The following ATXN2 variants were observed in gnomAD, a reference collection of about 807,000 sequenced individuals.
The protein encoded by ATXN2 is ataxin-2.
A neutral mutation model predicts 138.6 loss-of-function variants in ATXN2; 37 were observed. The observed-to-expected ratio is 0.27, with a 90% CI of 0.21 to 0.35. The LOEUF (loss-of-function observed/expected upper bound fraction) is 0.35. ATXN2 is among the 10% of genes least tolerant of loss of function. The probability of loss-of-function intolerance (pLI) is 1.00; values close to 1 mark genes in which losing one functional copy is unlikely to be tolerated. For missense variants in ATXN2, 1,216 were observed against 1,480.3 expected (o/e 0.82, Z 2.93); for synonymous variants, 549 against 543.7 (o/e 1.01, Z -0.13).
At position 111,453,733 on chromosome 12, in the gene ATXN2, A is replaced by G; in HGVS notation, c.3383T>C (p.Leu1128Pro). The change falls in exon 24 of 25, where the codon CTA (leucine) becomes CCA (proline). Residue 1128 changes from leucine to proline, a missense_variant. Physicochemically the swap from Leu to Pro is moderately conservative, Grantham distance 98. This residue lies in a region of ATXN2 where 490 missense variants were observed against 653.5 expected (regional missense o/e 0.75). Coordinates refer to ENST00000673436, the MANE Select transcript of ATXN2 (RefSeq NM_001372574.1). The surrounding 1 kb of genome is among the most constrained non-coding windows in gnomAD (Gnocchi z 5.4). Reference sequence around the variant, plus strand: ...TGTTGTCGAGACTGGAATGGGCTGTAGTGCACTTTGAGCGAGGGCGGCCTG... The same window carrying G: ...TGTTGTCGAGACTGGAATGGGCTGTGGTGCACTTTGAGCGAGGGCGGCCTG... ...GPQAALAQSA[L>P]QPIPVSTTAH... is the part of the protein sequence containing the mutation. 1 of 1,613,878 alleles carries G rather than the reference A, an allele frequency of 6.2e-7. No homozygotes were observed. Among genetic ancestry groups the G allele is most frequent in the Non-Finnish European group, 8.5e-7 (1 of 1,179,878 alleles).
chr12:111,566,471 T>A (rs939638562), intron 1 of ATXN2, among the ~76,000 whole-genome samples: 6 of 150,862 alleles, frequency 4.0e-5, no homozygotes, highest in Admixed American at 6.6e-5. Flanking sequence ...AGAAATACAT[T>A]CTGTAAGGCT....
chr12:111,497,332 A>G (rs1018271612), intron 14 of ATXN2, among the ~76,000 whole-genome samples: 4 of 152,178 alleles, frequency 2.6e-5, no homozygotes, highest in Non-Finnish European at 5.9e-5. Flanking sequence ...TACTCAAACT[A>G]TTCCAACACA....
At chr12:111,493,342 C>T (rs1878167620) in intron 14 of ATXN2, among the ~76,000 whole-genome samples, 1 of 145,592 alleles carries the variant, frequency 6.9e-6, no homozygotes, top group African/African-American at 2.6e-5. Flanking sequence ...ATCGCTTGAA[C>T]CTGGGAGTTG....
At chr12:111,491,661 T>C (rs760260086) in intron 14 of ATXN2, among the ~76,000 whole-genome samples, 17 of 152,124 alleles carry the variant, frequency 1.1e-4, no homozygotes, top group African/African-American at 1.7e-4. Flanking sequence ...AGGGAACCCA[T>C]TGCCTTGAAG....
In ATXN2 at chr12:111,500,011, TGGA is replaced by T. The variant is rs764524722; in HGVS notation, c.1935+9535_1935+9537del. On this transcript the variant is annotated intron_variant, in intron 14 of 24. Transcript: ENST00000673436. ...AAGGGGAACCTTCACACACTGTTGG[TGGA>T]CATGTAAATTGGTAAAACCACTATG... Among the ~76,000 whole-genome samples the T allele has an allele frequency of 1.7e-3, 256 of 152,314 alleles. 1 individual carries two copies. The highest frequency in any genetic ancestry group is 1.4e-3 in the Non-Finnish European group (94 of 68,024).
At chr12:111,562,720 C>CAAAAAAAAAA (rs34625134) in intron 1 of ATXN2, among the ~76,000 whole-genome samples, 1 of 55,980 alleles carries the variant, frequency 1.8e-5, no homozygotes, top group East Asian at 5.0e-4. Flanking sequence ...AACTCCATCT[C>CAAAAAAAAAA]AAAAAAAAAA....
At chr12:111,515,772 G>T (rs1245337213) in intron 10 of ATXN2, among the ~76,000 whole-genome samples, 1 of 152,180 alleles carries the variant, frequency 6.6e-6, no homozygotes, top group Non-Finnish European at 1.5e-5. Context: ...AGGTTCACTA[G>T]GACCTTGGCC....
At position 111,552,887 on chromosome 12, in the gene ATXN2, G is replaced by C. The variant is rs750847349; in HGVS notation, c.420+19C>G. The C allele has an allele frequency of 1.3e-6, 2 of 1,494,032 alleles. No individual in the cohort carries two copies. The highest frequency in any genetic ancestry group is 1.8e-6 in the Non-Finnish European group (2 of 1,109,268). 92.5% of individuals were successfully genotyped at this position (1,494,032 alleles called of 1,614,324 possible). ...ATGTTCTTTTACTTTGTAAGAAAAA[G>C]AAAAAAAGTAAAAATTACCTTCGGA... On this transcript the variant is annotated intron_variant, in intron 4 of 24. Coordinates refer to ENST00000673436, the MANE Select transcript of ATXN2 (RefSeq NM_001372574.1). The surrounding 1 kb of genome is among the most constrained non-coding windows in gnomAD (Gnocchi z 4.1).
chr12:111,472,688 C>T (rs1327042279), intron 18 of ATXN2, among the ~76,000 whole-genome samples: 1 of 152,166 alleles, frequency 6.6e-6, no homozygotes, highest in African/African-American at 2.4e-5. Context: ...CCTACCTCAG[C>T]CTCCAGAGTA....
chr12:111,483,871 C>A (rs115056781), intron 18 of ATXN2, among the ~76,000 whole-genome samples: 2,124 of 152,184 alleles, frequency 0.014, 21 homozygotes, highest in South Asian at 0.022. Context: ...CAGCCTGGAC[C>A]TTCTGGTTTC....
At chr12:111,490,395 G>A (rs1386248893) in intron 14 of ATXN2, among the ~76,000 whole-genome samples, 1 of 152,056 alleles carries the variant, frequency 6.6e-6, no homozygotes, top group Non-Finnish European at 1.5e-5. Flanking sequence ...ATTAGGATGT[G>A]GAGGGACCGT....
At chr12:111,580,102 T>C (rs532860407) in intron 1 of ATXN2, among the ~76,000 whole-genome samples, 1 of 152,202 alleles carries the variant, frequency 6.6e-6, no homozygotes, top group South Asian at 2.1e-4. Context: ...GTGCACGCCA[T>C]CACACCTAGC....
intron 1 of ATXN2, among the ~76,000 whole-genome samples, chr12:111,566,158 C>T (rs1045331081): frequency 3.9e-5 from 6 of 152,104 alleles, no homozygotes; most frequent in African/African-American, 1.4e-4. Flanking sequence ...TACGGCCGGG[C>T]GCGGTGGCTC....
chr12:111,485,343 TAA>T lies in ATXN2; in HGVS notation c.2458-14_2458-13del. The T allele has an allele frequency of 6.5e-7, 1 of 1,547,880 alleles. No individual in the cohort carries two copies. The highest frequency in any genetic ancestry group is 1.2e-5 in the South Asian group (1 of 85,562). ...ATTGGGTATAAAGGCTTGAGAGAAT[TAA>T]AAAAAAAATTAACATTAGGCACCTA... is the stretch of plus-strand genomic sequence containing the variant. On this transcript the variant is annotated splice_polypyrimidine_tract_variant and intron_variant, in intron 17 of 24. Transcript: ENST00000673436.
intron 22 of ATXN2, 114 bp from the exon 23 acceptor site, chr12:111,456,370 A>AT (rs1875098433): frequency 9.1e-7 from 1 of 1,096,332 alleles, no homozygotes; most frequent in African/African-American, 1.5e-5. Flanking sequence ...GTCACTGGAA[A>AT]GTACAGGAGA....
At chr12:111,498,102 T>C (rs1878542287) in intron 14 of ATXN2, among the ~76,000 whole-genome samples, 1 of 152,022 alleles carries the variant, frequency 6.6e-6, no homozygotes, top group South Asian at 2.1e-4. Context: ...GACAGACCCA[T>C]AACTAGTACC....
At chr12:111,474,810 G>A (rs1201206717) in intron 18 of ATXN2, among the ~76,000 whole-genome samples, 1 of 152,218 alleles carries the variant, frequency 6.6e-6, no homozygotes, top group African/African-American at 2.4e-5. Flanking sequence ...AAGGCTGAGA[G>A]CGATGGCTCA....
rs1017095248 is a variant in ATXN2 at position 111,598,017 on chromosome 12, G to T, written c.251+767C>A. The T allele has an allele frequency of 2.5e-6, 3 of 1,193,470 alleles. No homozygotes were observed. The African/African-American group carries it at 4.8e-5, about 19-fold the overall frequency. The allele number at this position is 1,193,470 out of a possible 1,614,324, so 73.9% of individuals were successfully genotyped here. A position where few individuals can be genotyped will look rare whatever the true frequency, so the allele number is the denominator to read the frequency against. On this transcript the variant is annotated intron_variant, in intron 1 of 24. Transcript: ENST00000673436. This position sits in a 1 kb window ranked among gnomAD's most constrained non-coding sequence, Gnocchi z 4.5. Reference sequence around the variant, plus strand: ...GTCTGGCGGGGGAAGGAGGAAGGCCGGGACGGGGCCGGGCACTCCCCACCC... The same window carrying T: ...GTCTGGCGGGGGAAGGAGGAAGGCCTGGACGGGGCCGGGCACTCCCCACCC...
intron 9 of ATXN2, among the ~76,000 whole-genome samples, chr12:111,517,790 C>T (rs967678265): frequency 6.6e-5 from 10 of 152,118 alleles, no homozygotes. Context: ...TAAGTTACCT[C>T]AGATCCTTTC....
Sources: allele counts gnomAD v4.1 joint callset (sites outside exome capture counted in the v4.1 genomes callset), GRCh38; gene constraint gnomAD v4.1.1; regional missense constraint gnomAD v4.1.1; non-coding constraint Gnocchi (gnomAD v3.1); transcripts MANE v1.5; gene names NCBI Gene and HGNC (gene_info 2026-07-23, HGNC 2026-07-21).